The following NTNG2 variants were observed in gnomAD, a reference collection of about 807,000 sequenced individuals.
The protein encoded by NTNG2 is netrin-G2.
A neutral mutation model predicts 47.6 loss-of-function variants in NTNG2; 15 were observed. The observed-to-expected ratio is 0.32, with a 90% CI of 0.21 to 0.49. NTNG2 has a LOEUF of 0.49. Among genes scored for constraint, NTNG2 ranks in the 20% least tolerant of loss-of-function variants. The pLI is 0.99. For synonymous variants in NTNG2, 307 were observed against 324.6 expected, an observed-to-expected ratio of 0.95 and a Z score of 0.58; for missense variants, 578 against 764.6, an observed-to-expected ratio of 0.76 and a Z score of 2.88.
At chr9:132,240,316 C>T (rs956393643) in intron 6 of NTNG2, among the ~76,000 whole-genome samples, 3 of 152,236 alleles carry the variant, frequency 2.0e-5, no homozygotes, top group Non-Finnish European at 4.4e-5. Flanking sequence ...ATTAGAGGTG[C>T]CCACACCCTG....
intron 4 of NTNG2, among the ~76,000 whole-genome samples, 160 bp downstream of exon 4, chr9:132,227,181 A>G (rs969994164): frequency 2.6e-5 from 4 of 152,236 alleles, no homozygotes; most frequent in South Asian, 2.1e-4. Flanking sequence ...ACGAGCATGC[A>G]TGCACAGGCA....
At chr9:132,213,331 CAA>C (rs61393543) in intron 3 of NTNG2, among the ~76,000 whole-genome samples, 2 of 104,404 alleles carry the variant, frequency 1.9e-5, no homozygotes, top group South Asian at 3.0e-4. Flanking sequence ...GACTCCATCT[CAA>C]AAAAAAAAAA....
Position 132,166,933 on chromosome 9 carries a change from G to T in NTNG2, c.102G>T (p.Trp34Cys). The T allele has an allele frequency of 6.2e-7, 1 of 1,614,210 alleles. No homozygotes were observed. Among genetic ancestry groups the T allele is most frequent in the Non-Finnish European group, 8.5e-7 (1 of 1,180,036 alleles). Residue 34 changes from tryptophan to cysteine, a missense_variant, in exon 2 of 8, where the codon TGG becomes TGT. By Grantham distance (215) the Trp-to-Cys change is radical. Transcript: ENST00000393229. ...SWVTTDEGPT[W>C]EFYACQPKVM... Reference sequence around the variant, plus strand: ...TGACCACAGATGAGGGCCCCACCTGGGAGTTCTACGCCTGCCAGCCCAAGG... The same window carrying T: ...TGACCACAGATGAGGGCCCCACCTGTGAGTTCTACGCCTGCCAGCCCAAGG...
chr9:132,188,335 C>A (rs530758948), intron 2 of NTNG2, among the ~76,000 whole-genome samples: 2 of 152,384 alleles, frequency 1.3e-5, no homozygotes, highest in South Asian at 4.1e-4. Flanking sequence ...GACGTGCCGC[C>A]TGCCTCCCCG....
chr9:132,209,007 C>A (rs1839382675), intron 3 of NTNG2, among the ~76,000 whole-genome samples: 1 of 152,212 alleles, frequency 6.6e-6, no homozygotes, highest in Non-Finnish European at 1.5e-5. Flanking sequence ...TGGCCGCCTG[C>A]GTGGCTCGGG....
rs1386254910 is a variant in NTNG2, at chr9:132,221,137, T to C, written c.858-5712T>C. ...GAGTGTAGCAGGGGCTGATTTGAGG[T>C]AGGGGTTGTGAAAGGCCTCCCCAAA... On this transcript the variant is annotated intron_variant, in intron 3 of 7. Coordinates refer to ENST00000393229, the MANE Select transcript of NTNG2 (RefSeq NM_032536.4). This position sits in a 1 kb window ranked among gnomAD's most constrained non-coding sequence, Gnocchi z 4.2. Among the ~76,000 whole-genome samples the C allele has an allele frequency of 2.0e-5, 3 of 152,078 alleles. No homozygotes were observed. Among genetic ancestry groups the C allele is most frequent in the Non-Finnish European group, 4.4e-5 (3 of 68,024 alleles).
chr9:132,237,372 G>A (rs1295559179), intron 5 of NTNG2, among the ~76,000 whole-genome samples: 1 of 152,180 alleles, frequency 6.6e-6, no homozygotes, highest in Non-Finnish European at 1.5e-5. Flanking sequence ...CTCTTCCCTG[G>A]GCAGTGGGAC....
At chr9:132,230,456 T>C in intron 4 of NTNG2, 116 bp from the exon 5 acceptor site, 2 of 870,808 alleles carry the variant, frequency 2.3e-6, no homozygotes, top group Admixed American at 4.1e-5. Flanking sequence ...GAGCAGGTGC[T>C]CTTGAGGGAG....
At chr9:132,173,646 G>A (rs1836105798) in intron 2 of NTNG2, among the ~76,000 whole-genome samples, 1 of 152,238 alleles carries the variant, frequency 6.6e-6, no homozygotes, top group Non-Finnish European at 1.5e-5. Context: ...GTGGATGGAT[G>A]GACAGACGAA....
intron 2 of NTNG2, among the ~76,000 whole-genome samples, chr9:132,187,218 G>A (rs1179254405): frequency 1.3e-5 from 2 of 152,246 alleles, no homozygotes; most frequent in Non-Finnish European, 2.9e-5. Flanking sequence ...TGGGACAAGC[G>A]AGTCCCTGGG....
At chr9:132,241,488 T>G (rs993652988) in intron 7 of NTNG2, 1 of 322,890 alleles carries the variant, frequency 3.1e-6, no homozygotes, top group Non-Finnish European at 5.8e-6. Flanking sequence ...AAGACCGAGC[T>G]GGGGTTGGTT....
At chr9:132,235,523 C>T (rs1841555704) in intron 5 of NTNG2, among the ~76,000 whole-genome samples, 1 of 152,182 alleles carries the variant, frequency 6.6e-6, no homozygotes, top group Non-Finnish European at 1.5e-5. Context: ...TAGACAGAGC[C>T]TCTCCTTATA....
chr9:132,181,476 A>G (rs1313601488), intron 2 of NTNG2, among the ~76,000 whole-genome samples: 2 of 151,958 alleles, frequency 1.3e-5, no homozygotes, highest in East Asian at 1.9e-4. Flanking sequence ...ACCTGCCACC[A>G]TGCCTGGCTA....
chr9:132,231,501 A>C lies in NTNG2; in HGVS notation c.1054+906A>C, dbSNP rs1841222643. On this transcript the variant is annotated intron_variant, in intron 5 of 7. Coordinates refer to ENST00000393229, the MANE Select transcript of NTNG2 (RefSeq NM_032536.4). This position sits in a 1 kb window ranked among gnomAD's most constrained non-coding sequence, Gnocchi z 4.1. Reference sequence around the variant, plus strand: ...GGACCCAGGGGGCCCCTGGCTGGGAAGCCAGTGAGCCGAGAGGGCGCCAGA... The same window carrying C: ...GGACCCAGGGGGCCCCTGGCTGGGACGCCAGTGAGCCGAGAGGGCGCCAGA... 2.8e-6 allele frequency: 1 copy of C among 358,458 alleles called. No individual in the cohort carries two copies. Among genetic ancestry groups the C allele is most frequent in the Non-Finnish European group, 5.5e-6 (1 of 181,452 alleles). 22.2% of individuals were successfully genotyped at this position (358,458 alleles called of 1,614,324 possible). A position where few individuals can be genotyped will look rare whatever the true frequency, so the allele number is the denominator to read the frequency against.
chr9:132,178,956 G>A (rs1275158721), intron 2 of NTNG2, among the ~76,000 whole-genome samples: 4 of 102,600 alleles, frequency 3.9e-5, no homozygotes, highest in African/African-American at 1.6e-4. Context: ...AGTGAGACTC[G>A]GTCTCAAAAA....
At chr9:132,167,798 C>T (rs914422) in intron 2 of NTNG2, among the ~76,000 whole-genome samples, 2 of 152,092 alleles carry the variant, frequency 1.3e-5, no homozygotes, top group East Asian at 1.9e-4. Flanking sequence ...GAGATGGTTG[C>T]GTGCGAGCTG....
chr9:132,217,408 C>T (rs559726767), intron 3 of NTNG2, among the ~76,000 whole-genome samples: 2 of 152,256 alleles, frequency 1.3e-5, no homozygotes, highest in African/African-American at 4.8e-5. Context: ...TATCCAAGAG[C>T]CAGCACACTG....
intron 2 of NTNG2, among the ~76,000 whole-genome samples, chr9:132,184,038 G>T (rs1837145739): frequency 6.6e-6 from 1 of 152,182 alleles, no homozygotes; most frequent in African/African-American, 2.4e-5. Context: ...ATGAATAAGT[G>T]AATGAATAAA....
chr9:132,186,101 G>T (rs1244176584), intron 2 of NTNG2, among the ~76,000 whole-genome samples: 1 of 152,176 alleles, frequency 6.6e-6, no homozygotes, highest in African/African-American at 2.4e-5. Flanking sequence ...GCAAAGCACC[G>T]GCCAAATTTC....
Sources: allele counts gnomAD v4.1 joint callset (sites outside exome capture counted in the v4.1 genomes callset), GRCh38; gene constraint gnomAD v4.1.1; non-coding constraint Gnocchi (gnomAD v3.1); transcripts MANE v1.5; gene names NCBI Gene and HGNC (gene_info 2026-07-23, HGNC 2026-07-21).